GOLIM4: variants seen among roughly 807,000 people sequenced by gnomAD.
The protein encoded by GOLIM4 is golgi integral membrane protein 4.
Under a neutral mutation model 107.4 loss-of-function variants are expected in GOLIM4, and 71 were observed. That is an observed-to-expected ratio of 0.66 (90% confidence interval 0.55 to 0.81). The LOEUF is 0.81. Ranked by LOEUF, GOLIM4 falls within the 30% of genes least tolerant of loss-of-function variation. GOLIM4 has a pLI of 0.00. For missense variants in GOLIM4, 830 were observed against 826.1 expected, an observed-to-expected ratio of 1.00 and a Z score of -0.06; for synonymous variants, 327 against 294.8, an observed-to-expected ratio of 1.11 and a Z score of -1.12.
chr3:168,035,079 G>A (rs1242640452), intron 8 of GOLIM4, among the ~76,000 whole-genome samples: 1 of 147,464 alleles, frequency 6.8e-6, no homozygotes, highest in Non-Finnish European at 1.5e-5. Context: ...GATCATTAGA[G>A]AAATGCAAAT....
At chr3:168,084,149 A>G (rs1721505172) in intron 1 of GOLIM4, among the ~76,000 whole-genome samples, 1 of 152,042 alleles carries the variant, frequency 6.6e-6, no homozygotes, top group South Asian at 2.1e-4. Context: ...CTGATGGTTT[A>G]AAGGTGTATG....
chr3:168,021,184 G>C (rs887104090), intron 14 of GOLIM4, among the ~76,000 whole-genome samples: 1 of 152,120 alleles, frequency 6.6e-6, no homozygotes, highest in African/African-American at 2.4e-5. Context: ...TCCTCTCTTG[G>C]TGTCTATTAA....
chr3:168,045,436 G>A (rs746769392), intron 3 of GOLIM4, among the ~76,000 whole-genome samples: 2 of 152,166 alleles, frequency 1.3e-5, no homozygotes, highest in Non-Finnish European at 2.9e-5. Flanking sequence ...TTAGGAACCT[G>A]CCAAGAGCAA....
chr3:168,066,481 A>G (rs1404970580), intron 1 of GOLIM4, among the ~76,000 whole-genome samples: 1 of 152,192 alleles, frequency 6.6e-6, no homozygotes, highest in Non-Finnish European at 1.5e-5. Context: ...AAATGTAAAT[A>G]AGAACTTCTC....
chr3:168,073,835 G>C (rs1225114316), intron 1 of GOLIM4, among the ~76,000 whole-genome samples: 1 of 152,148 alleles, frequency 6.6e-6, no homozygotes, highest in Non-Finnish European at 1.5e-5. Context: ...CTCCAGGGAT[G>C]GCAGGGCTAC....
rs531066193 is a variant in GOLIM4 at position 168,013,744 on chromosome 3, A to G, written c.1861-2921T>C. Among the ~76,000 whole-genome samples the G allele has an allele frequency of 1.3e-3, 192 of 150,966 alleles. No homozygotes were observed. In the East Asian group the frequency reaches 0.016, roughly 13 times the overall value. On this transcript the variant is annotated intron_variant, in intron 14 of 15. Coordinates refer to ENST00000470487, the MANE Select transcript of GOLIM4 (RefSeq NM_014498.5). ...CTCAGGATTAAGAATCTCACTCAAAACCGCTCAACTACATGGAAACTGAAC... is the reference window on the plus strand; with the variant it reads ...CTCAGGATTAAGAATCTCACTCAAAGCCGCTCAACTACATGGAAACTGAAC...
intron 1 of GOLIM4, among the ~76,000 whole-genome samples, chr3:168,052,355 C>T (rs896735006): frequency 6.7e-6 from 1 of 150,078 alleles, no homozygotes; most frequent in African/African-American, 2.4e-5. Flanking sequence ...CATATATGTG[C>T]ATATATATAT....
At chr3:168,046,027 G>C (rs987866045) in intron 3 of GOLIM4, among the ~76,000 whole-genome samples, 1 of 152,134 alleles carries the variant, frequency 6.6e-6, no homozygotes, top group African/African-American at 2.4e-5. Flanking sequence ...ATAGAGGCAT[G>C]TGTACCATCA....
At chr3:168,077,741 G>GT (rs1721143881) in intron 1 of GOLIM4, among the ~76,000 whole-genome samples, 1 of 151,974 alleles carries the variant, frequency 6.6e-6, no homozygotes, top group African/African-American at 2.4e-5. Flanking sequence ...TGGCTATATT[G>GT]TATTTCAGAA....
At chr3:168,069,481 T>C (rs931656196) in intron 1 of GOLIM4, among the ~76,000 whole-genome samples, 2 of 152,232 alleles carry the variant, frequency 1.3e-5, no homozygotes, top group African/African-American at 4.8e-5. Context: ...GTTTCTTTAA[T>C]TGATTTTCCT....
chr3:168,067,525 A>AAC (rs35330464), intron 1 of GOLIM4, among the ~76,000 whole-genome samples: 8 of 150,372 alleles, frequency 5.3e-5, no homozygotes, highest in African/African-American at 1.5e-4. Flanking sequence ...AAAAAAAAAA[A>AAC]ACACACACAC....
chr3:168,069,812 T>C (rs1720746744), intron 1 of GOLIM4, among the ~76,000 whole-genome samples: 1 of 152,238 alleles, frequency 6.6e-6, no homozygotes, highest in African/African-American at 2.4e-5. Flanking sequence ...CTAAATTTCC[T>C]TAAAGGAAAT....
In GOLIM4 at chr3:168,009,664, G is replaced by A. The variant is rs1424076324; in HGVS notation, c.*605C>T. The A allele has an allele frequency of 1.3e-5, 2 of 152,092 alleles. No individual in the cohort carries two copies. Among genetic ancestry groups the A allele is most frequent in the Non-Finnish European group, 2.9e-5 (2 of 68,022 alleles). 9.4% of individuals were successfully genotyped at this position (152,092 alleles called of 1,614,324 possible). ...TAAACAGAACAGCTATGATTTTAAA[G>A]CAATGACATTTTTCTAATTGATCTG... On this transcript the variant is annotated 3_prime_UTR_variant, in exon 16 of 16. Transcript: ENST00000470487.
At chr3:168,073,800 G>A (rs1419193180) in intron 1 of GOLIM4, among the ~76,000 whole-genome samples, 3 of 152,044 alleles carry the variant, frequency 2.0e-5, no homozygotes, top group African/African-American at 4.8e-5. Flanking sequence ...AGAAGGCATC[G>A]GCTTCTTAAA....
intron 1 of GOLIM4, among the ~76,000 whole-genome samples, chr3:168,051,759 T>A (rs1203775061): frequency 6.6e-6 from 1 of 152,104 alleles, no homozygotes; most frequent in Non-Finnish European, 1.5e-5. Flanking sequence ...AACTTAAGAA[T>A]TCAGAAATGG....
Position 168,031,453 on chromosome 3 carries a change from C to T in GOLIM4, c.1176+1067G>A, listed in dbSNP as rs74867321. On this transcript the variant is annotated intron_variant, in intron 9 of 15. Transcript: ENST00000470487. ...AATGTTTCAAAATATCGCCCATACT[C>T]TGAAAATATATACATATATTATGCA... 1.6e-4 allele frequency among the ~76,000 whole-genome samples: 25 copies of T among 152,248 alleles called. No individual in the cohort carries two copies. The East Asian group carries it at 4.6e-3, about 28-fold the overall frequency.
chr3:168,025,007 T>G lies in GOLIM4; in HGVS notation c.1712A>C (p.Glu571Ala). ...CTCTTCATTTTCATCTGGCAAATTTTCTTCTCTCACTTGCTCGGCTTCTTC... is the reference window on the plus strand; with the variant it reads ...CTCTTCATTTTCATCTGGCAAATTTGCTTCTCTCACTTGCTCGGCTTCTTC... Reference protein sequence around the residue: ...EFEEAEQVREENLPDENEEQK... With the variant: ...EFEEAEQVREANLPDENEEQK... Residue 571 changes from glutamate (E) to alanine (A), a missense_variant, in exon 13 of 16, where the codon GAA becomes GCA. Coordinates refer to ENST00000470487, the MANE Select transcript of GOLIM4 (RefSeq NM_014498.5). The G allele has an allele frequency of 6.2e-7, 1 of 1,614,034 alleles. No individual in the cohort carries two copies. The highest frequency in any genetic ancestry group is 8.5e-7 in the Non-Finnish European group (1 of 1,179,872).
chr3:168,088,188 C>T (rs16851790), intron 1 of GOLIM4, among the ~76,000 whole-genome samples: 17,437 of 152,012 alleles, frequency 0.11, 1,202 homozygotes, highest in African/African-American at 0.19. Flanking sequence ...GTTTTTTCCA[C>T]CCCAAGAACG....
At chr3:168,074,878 A>T (rs1720995127) in intron 1 of GOLIM4, among the ~76,000 whole-genome samples, 1 of 152,214 alleles carries the variant, frequency 6.6e-6, no homozygotes, top group African/African-American at 2.4e-5. Flanking sequence ...TTTTTGAGTG[A>T]CCCAGTTACC....
Sources: allele counts gnomAD v4.1 joint callset (sites outside exome capture counted in the v4.1 genomes callset), GRCh38; gene constraint gnomAD v4.1.1; transcripts MANE v1.5; gene names NCBI Gene and HGNC (gene_info 2026-07-23, HGNC 2026-07-21).